RBCK1: variants seen among roughly 807,000 people sequenced by gnomAD.
The protein encoded by RBCK1 is ranBP-type and C3HC4-type zinc finger-containing protein 1.
A neutral mutation model predicts 71.1 loss-of-function variants in RBCK1; 44 were observed. That is an observed-to-expected ratio of 0.62 (90% CI 0.49 to 0.80). The LOEUF is 0.80. Ranked by LOEUF, RBCK1 falls within the 30% of genes least tolerant of loss-of-function variation. RBCK1 has a pLI of 0.00. For synonymous variants in RBCK1, 306 were observed against 279.7 expected, an observed-to-expected ratio of 1.09 and a Z score of -0.94; for missense variants, 569 against 685.0, an observed-to-expected ratio of 0.83 and a Z score of 1.89.
In RBCK1 at chr20:417,801, C is replaced by G. The variant is rs746197240; in HGVS notation, c.331C>G (p.Gln111Glu). 2.4e-5 allele frequency: 39 copies of G among 1,613,958 alleles called. No individual in the cohort carries two copies. Among genetic ancestry groups the G allele is most frequent in the Non-Finnish European group, 3.2e-5 (38 of 1,180,002 alleles). The change falls in exon 4 of 12, where the codon CAG becomes GAG. Residue 111 changes from glutamine to glutamate, a missense_variant. Physicochemically the swap from Gln to Glu is conservative, Grantham distance 29 (BLOSUM62 2). Around this residue, in one of 2 missense-constraint regions of RBCK1, gnomAD observed 358 missense variants for 375.6 expected, o/e 0.95. Coordinates refer to ENST00000356286, the MANE Select transcript of RBCK1 (RefSeq NM_031229.4). The surrounding 1 kb of genome is among the most constrained non-coding windows in gnomAD (Gnocchi z 4.7). ...WVIGQRLARD[Q>E]ETLHSHGVRQ... ...GATTGGGCAGCGGCTGGCACGAGAC[C>G]AGGAGACCCTGCACTCCCATGGGGT...
rs141923181 is a variant in RBCK1, at chr20:428,609, G to A, written c.1308+20G>A. 5.4e-4 allele frequency: 856 copies of A among 1,585,420 alleles called. 9 individuals are homozygous for A. In the East Asian group the frequency reaches 0.019, roughly 34 times the overall value. On this transcript the variant is annotated intron_variant, in intron 10 of 11. Transcript: ENST00000356286. The surrounding 1 kb of genome is among the most constrained non-coding windows in gnomAD (Gnocchi z 5.7). ...CTGAAGGTGAGGCTGGGACAGGGCC[G>A]AGGCCTAGGGATTTTAAGTTCTGGG...
At chr20:414,532 C>CCCCCCCCCCA in intron 2 of RBCK1, among the ~76,000 whole-genome samples, 1 of 152,196 alleles carries the variant, frequency 6.6e-6, no homozygotes, top group East Asian at 1.9e-4. Flanking sequence ...TGCTGTTCAC[C>CCCCCCCCCCA]AGCGATCCTG....
Position 428,683 on chromosome 20 carries a change from C to A in RBCK1, c.1308+94C>A. ...CCCAGTAAGGGCTGTGCTCACACAT[C>A]CCTGGAGGCTCTGACCTCCCTTCTG... On this transcript the variant is annotated intron_variant, in intron 10 of 11. Transcript: ENST00000356286. The surrounding 1 kb of genome is among the most constrained non-coding windows in gnomAD (Gnocchi z 5.7). The A allele has an allele frequency of 7.2e-7, 1 of 1,389,868 alleles. No homozygotes were observed. The highest frequency in any genetic ancestry group is 1.5e-5 in the South Asian group (1 of 68,006). 86.1% of individuals were successfully genotyped at this position (1,389,868 alleles called of 1,614,324 possible).
intron 8 of RBCK1, among the ~76,000 whole-genome samples, chr20:425,623 A>ATTTTTTTTTTTTTTTTTT (rs200677519): frequency 7.7e-6 from 1 of 130,084 alleles, no homozygotes; most frequent in Non-Finnish European, 1.6e-5. Context: ...TGCATGGTGT[A>ATTTTTTTTTTTTTTTTTT]TTCTTTTTTT....
Position 430,610 on chromosome 20 carries a change from GC to G in RBCK1, c.*182del, listed in dbSNP as rs1267875116. On this transcript the variant is annotated 3_prime_UTR_variant, in exon 12 of 12. Coordinates refer to ENST00000356286, the MANE Select transcript of RBCK1 (RefSeq NM_031229.4). This position sits in a 1 kb window ranked among gnomAD's most constrained non-coding sequence, Gnocchi z 5.6. ...TTTGTCCTTCCCTTGGGGCTTGCCG[GC>G]CAGACTTCTCTCCCCTGCGGCTCCC... 9.3e-6 allele frequency: 6 copies of G among 641,862 alleles called. No homozygotes were observed. Among genetic ancestry groups the G allele is most frequent in the Non-Finnish European group, 1.4e-5 (5 of 365,996 alleles). 39.8% of individuals were successfully genotyped at this position (641,862 alleles called of 1,614,324 possible).
intron 2 of RBCK1, among the ~76,000 whole-genome samples, chr20:412,971 G>T (rs2015790673): frequency 6.6e-6 from 1 of 152,202 alleles, no homozygotes; most frequent in Non-Finnish European, 1.5e-5. Flanking sequence ...TATATAAGGT[G>T]TGAGGTAAGG....
intron 8 of RBCK1, among the ~76,000 whole-genome samples, chr20:425,161 C>G (rs181500434): frequency 6.6e-6 from 1 of 152,192 alleles, no homozygotes; most frequent in African/African-American, 2.4e-5. Flanking sequence ...GAGGCGCACA[C>G]CGCCATGCCC....
chr20:416,695 A>G (rs1389329044), intron 2 of RBCK1, among the ~76,000 whole-genome samples: 2 of 152,214 alleles, frequency 1.3e-5, no homozygotes, highest in African/African-American at 4.8e-5. Flanking sequence ...GAATAATACC[A>G]TGTAGATTTA....
chr20:409,773 G>A lies in RBCK1; in HGVS notation c.23-108G>A, dbSNP rs922892092. ...AGGATACGTAGGAGTTCACCAGGAA[G>A]ACAGAGAAAGCAGCACACACAAAGG... On this transcript the variant is annotated intron_variant, in intron 1 of 11. Transcript: ENST00000356286. 3.2e-5 allele frequency: 48 copies of A among 1,495,674 alleles called. No homozygotes were observed. In the African/African-American group the frequency reaches 6.7e-4, roughly 21 times the overall value. 92.7% of individuals were successfully genotyped at this position (1,495,674 alleles called of 1,614,324 possible). A position where few individuals can be genotyped will look rare whatever the true frequency, so the allele number is the denominator to read the frequency against.
chr20:415,195 G>A (rs1176588796), intron 2 of RBCK1, among the ~76,000 whole-genome samples: 3 of 152,068 alleles, frequency 2.0e-5, no homozygotes, highest in African/African-American at 7.2e-5. Context: ...GGGCAACATA[G>A]TGAAACCTTG....
intron 1 of RBCK1, among the ~76,000 whole-genome samples, chr20:409,251 T>C (rs2015552455): frequency 1.3e-5 from 2 of 152,216 alleles, no homozygotes; most frequent in Admixed American, 6.5e-5. Context: ...ATGCTCACTC[T>C]ACTGGAGCCC....
chr20:430,561 C>A lies in RBCK1; in HGVS notation c.*131C>A. The stretch of plus-strand genomic sequence containing the variant: ...GGGCCCTGCCTGCACTGCGGTTGTC[C>A]ACGGTCACATCTGCCCCAGTGCCTT... On this transcript the variant is annotated 3_prime_UTR_variant, in exon 12 of 12. Transcript: ENST00000356286. The surrounding 1 kb of genome is among the most constrained non-coding windows in gnomAD (Gnocchi z 5.6). The A allele has an allele frequency of 1.1e-6, 1 of 879,744 alleles. No individual in the cohort carries two copies. The highest frequency in any genetic ancestry group is 1.8e-6 in the Non-Finnish European group (1 of 558,704). The allele number at this position is 879,744 out of a possible 1,614,324, so 54.5% of individuals were successfully genotyped here.
chr20:409,835 G>A (rs1034362347), intron 1 of RBCK1, 46 bp from the exon 2 acceptor site: 2 of 1,588,414 alleles, frequency 1.3e-6, no homozygotes, highest in South Asian at 1.1e-5. Context: ...CTCAGCTCCT[G>A]AAAATAAACC....
At chr20:420,467 T>C (rs2016322241) in intron 6 of RBCK1, 2 of 945,312 alleles carry the variant, frequency 2.1e-6, no homozygotes, top group Non-Finnish European at 2.5e-6. Flanking sequence ...TGACGTTGAG[T>C]GGCTCCACCA....
chr20:409,593 T>A (rs1169221337), intron 1 of RBCK1, among the ~76,000 whole-genome samples: 1 of 151,918 alleles, frequency 6.6e-6, no homozygotes, highest in African/African-American at 2.4e-5. Context: ...TGGCACACAG[T>A]AGAAGCTCAA....
At position 422,043 on chromosome 20, in the gene RBCK1, G is replaced by T; in HGVS notation, c.918-84G>T. 2 of 1,056,536 alleles carry T rather than the reference G, an allele frequency of 1.9e-6. No individual in the cohort carries two copies. The highest frequency in any genetic ancestry group is 1.9e-5 in the Admixed American group (1 of 53,776). The allele number at this position is 1,056,536 out of a possible 1,614,324, so 65.4% of individuals were successfully genotyped here. A position where few individuals can be genotyped will look rare whatever the true frequency, so the allele number is the denominator to read the frequency against. On this transcript the variant is annotated intron_variant, in intron 7 of 11. Transcript: ENST00000356286. The surrounding 1 kb of genome is among the most constrained non-coding windows in gnomAD (Gnocchi z 5.0). ...TGGGGTGACTGAGTGAGGCCCCTGG[G>T]GTCAGGCCTTGCCATGTGAGGGATG... is the stretch of plus-strand genomic sequence containing the variant.
chr20:423,411 T>G (rs2016547901), intron 8 of RBCK1, among the ~76,000 whole-genome samples: 1 of 152,230 alleles, frequency 6.6e-6, no homozygotes, highest in East Asian at 1.9e-4. Flanking sequence ...AGTCATTTAT[T>G]CAGCTCATAA....
At position 429,003 on chromosome 20, in the gene RBCK1, T is replaced by C; in HGVS notation, c.1361T>C (p.Val454Ala). The change falls in exon 11 of 12, where the codon GTA (valine) becomes GCA (alanine). Residue 454 changes from valine (V) to alanine (A), a missense_variant. Around this residue, in one of 2 missense-constraint regions of RBCK1, gnomAD observed 211 missense variants for 309.4 expected, o/e 0.68. Coordinates refer to ENST00000356286, the MANE Select transcript of RBCK1 (RefSeq NM_031229.4). ...CGCTGCCCCCAGTGCCAGATCGTGG[T>C]ACAGAAGAAGGACGGCTGCGACTGG... is the stretch of plus-strand genomic sequence containing the variant. ...AMRCPQCQIV[V>A]QKKDGCDWIR... is the part of the protein sequence containing the mutation. The C allele has an allele frequency of 6.2e-7, 1 of 1,612,086 alleles. No individual in the cohort carries two copies.
intron 4 of RBCK1, 116 bp from the exon 5 acceptor site, chr20:419,231 G>C: frequency 2.1e-6 from 3 of 1,400,928 alleles, no homozygotes; most frequent in Non-Finnish European, 2.9e-6. Context: ...GGTACCCCCA[G>C]GGAGGAGGGA....
Sources: gnomAD v4.1 joint callset for allele counts (sites outside exome capture counted in the v4.1 genomes callset) on GRCh38, gnomAD v4.1.1 for gene constraint, gnomAD v4.1.1 regional missense constraint, Gnocchi (gnomAD v3.1) non-coding constraint, MANE v1.5 for transcripts, NCBI Gene and HGNC (gene_info 2026-07-23, HGNC 2026-07-21) for gene names.